TUB: variants seen among roughly 807,000 people sequenced by gnomAD.
TUB encodes tubby protein homolog.
TUB carries 33 observed loss-of-function variants against 59.7 expected under a neutral mutation model. That is an observed-to-expected ratio of 0.55 (90% CI 0.42 to 0.74). The LOEUF (loss-of-function observed/expected upper bound fraction) is 0.74, where lower values mean the gene tolerates loss of function less well. Ranked by LOEUF, TUB falls within the 30% of genes least tolerant of loss-of-function variation. TUB has a pLI of 0.00. For missense variants in TUB, 659 were observed against 672.0 expected, an observed-to-expected ratio of 0.98 and a Z score of 0.21; for synonymous variants, 293 against 256.4, an observed-to-expected ratio of 1.14 and a Z score of -1.36.
At position 8,103,147 on chromosome 11, in the gene TUB, A is replaced by C. The variant is rs1348855875; in HGVS notation, c.*1528A>C. ...ACGGCTGCTGCACACTTCTCGGTCT[A>C]GGTGGGAGAGAGTGCATAAAGGTTC... is the stretch of plus-strand genomic sequence containing the variant. On this transcript the variant is annotated 3_prime_UTR_variant, in exon 12 of 12. Transcript: ENST00000299506. 1 of 152,266 alleles carries C rather than the reference A, an allele frequency of 6.6e-6. No individual in the cohort carries two copies. The highest frequency in any genetic ancestry group is 2.4e-5 in the African/African-American group (1 of 41,456). The allele number at this position is 152,266 out of a possible 1,614,324, so 9.4% of individuals were successfully genotyped here. A position where few individuals can be genotyped will look rare whatever the true frequency, so the allele number is the denominator to read the frequency against.
At chr11:8,064,645 G>C (rs1469523726) in intron 2 of TUB, among the ~76,000 whole-genome samples, 1 of 152,202 alleles carries the variant, frequency 6.6e-6, no homozygotes, top group African/African-American at 2.4e-5. Context: ...TTCAGATAAT[G>C]ACAGGGGCCT....
intron 1 of TUB, among the ~76,000 whole-genome samples, chr11:8,025,521 T>C (rs999862672): frequency 3.3e-5 from 5 of 152,220 alleles, no homozygotes; most frequent in African/African-American, 1.2e-4. Context: ...CCACCCATCC[T>C]CAGGGAACCA....
chr11:8,097,641 G>C, intron 7 of TUB, 73 bp from the exon 8 acceptor site: 1 of 1,388,864 alleles, frequency 7.2e-7, no homozygotes. Flanking sequence ...GAGAGAGTCT[G>C]TGTGAGTGGC....
At chr11:8,027,901 G>A (rs1441668615) in intron 1 of TUB, among the ~76,000 whole-genome samples, 1 of 152,192 alleles carries the variant, frequency 6.6e-6, no homozygotes, top group Non-Finnish European at 1.5e-5. Flanking sequence ...AGTGAACATT[G>A]GTGCGCGCAT....
chr11:8,101,483 C>T lies in TUB; in HGVS notation c.1388-3C>T. 1 of 1,614,204 alleles carries T rather than the reference C, an allele frequency of 6.2e-7. No individual in the cohort carries two copies. The highest frequency in any genetic ancestry group is 8.5e-7 in the Non-Finnish European group (1 of 1,180,028). ...CTCTGTCTGTGCCTGTGCTTGGCCC[C>T]AGCGGACTACATCGTGATGCAGTTT... On this transcript the variant is annotated splice_polypyrimidine_tract_variant and splice_region_variant and intron_variant, in intron 11 of 11. Transcript: ENST00000299506.
At chr11:8,083,641 G>A (rs1458737351) in intron 1 of TUB, among the ~76,000 whole-genome samples, 3 of 148,722 alleles carry the variant, frequency 2.0e-5, no homozygotes, top group Non-Finnish European at 3.0e-5. Flanking sequence ...TTCCTGGGCC[G>A]CAGACTCAGC....
exon 1 of TUB, chr11:8,038,803 A>G (rs1381115334): frequency 1.9e-5 from 29 of 1,557,118 alleles, no homozygotes; most frequent in Non-Finnish European, 2.3e-5. Context: ...GGGAATTTCA[A>G]CAGGCTCCAG....
Position 8,081,283 on chromosome 11 carries a change from C to T in TUB, c.-228C>T. ...CCCGCCTCCACGCGCGCGCACGACC[C>T]GCGCACTCCCGGAGCTTCGCCCATC... On this transcript the variant is annotated 5_prime_UTR_variant, in exon 1 of 12. Coordinates refer to ENST00000299506, the MANE Select transcript of TUB (RefSeq NM_177972.3). 1 of 795,880 alleles carries T rather than the reference C, an allele frequency of 1.3e-6. No individual in the cohort carries two copies. Among genetic ancestry groups the T allele is most frequent in the Non-Finnish European group, 1.5e-6 (1 of 656,800 alleles). The allele number at this position is 795,880 out of a possible 1,614,324, so 49.3% of individuals were successfully genotyped here.
intron 2 of TUB, among the ~76,000 whole-genome samples, chr11:8,046,513 G>A (rs1942835947): frequency 1.3e-5 from 2 of 152,082 alleles, no homozygotes; most frequent in South Asian, 2.1e-4. Context: ...AAATCTTAAA[G>A]GCCACTGTGA....
At chr11:8,069,426 T>G (rs940798196) in intron 2 of TUB, 1 of 151,300 alleles carries the variant, frequency 6.6e-6, no homozygotes, top group South Asian at 2.1e-4. Flanking sequence ...TAACCCTAAA[T>G]TCTTGTAGAG....
chr11:8,033,421 G>A (rs147758004), intron 1 of TUB, among the ~76,000 whole-genome samples: 1 of 152,200 alleles, frequency 6.6e-6, no homozygotes, highest in African/African-American at 2.4e-5. Flanking sequence ...CTTTCGCCCA[G>A]TTTCAGCCTG....
chr11:8,088,463 C>T (rs1943709713), intron 1 of TUB, among the ~76,000 whole-genome samples: 1 of 152,236 alleles, frequency 6.6e-6, no homozygotes. Flanking sequence ...CACACGAGCA[C>T]ACCCACTTCT....
chr11:8,095,406 C>A, intron 4 of TUB, 92 bp from the exon 5 acceptor site: 3 of 1,364,600 alleles, frequency 2.2e-6, no homozygotes, highest in East Asian at 2.3e-5. Flanking sequence ...AGGGTTTCCC[C>A]ACTCTTCCCT....
intron 2 of TUB, among the ~76,000 whole-genome samples, chr11:8,073,768 T>A (rs546876458): frequency 8.5e-5 from 13 of 152,352 alleles, no homozygotes; most frequent in South Asian, 4.1e-4. Flanking sequence ...TGGGCTTAGA[T>A]GCCCCCTGGG....
In TUB at chr11:8,104,996, T is replaced by C. The variant is rs529058757; in HGVS notation, c.*3377T>C. On this transcript the variant is annotated 3_prime_UTR_variant, in exon 12 of 12. Transcript: ENST00000299506. ...TTACCTCTTAAATAAACTTAGCATT[T>C]AGAGGTAATTCTAAATTTAACAAGT... The C allele has an allele frequency of 5.3e-5, 8 of 152,106 alleles. No individual in the cohort carries two copies. Among genetic ancestry groups the C allele is most frequent in the African/African-American group, 1.9e-4 (8 of 41,470 alleles). 9.4% of individuals were successfully genotyped at this position (152,106 alleles called of 1,614,324 possible).
In TUB at chr11:8,090,128, C is replaced by A. The variant is rs779313406; in HGVS notation, c.150C>A (p.Ala50=). The A allele has an allele frequency of 1.2e-6, 2 of 1,613,530 alleles. No individual in the cohort carries two copies. The highest frequency in any genetic ancestry group is 4.5e-5 in the East Asian group (2 of 44,876). Residue 50 remains alanine, a synonymous_variant, in exon 3 of 12, where the codon GCC becomes GCA. Coordinates refer to ENST00000299506, the MANE Select transcript of TUB (RefSeq NM_177972.3). ...GCCAGGAGCCCCTGATGGTGCAGGC[C>A]AATGCAGATGGGCGGCCCCGGAGCC... The part of the protein sequence containing the change: ...KKRQEPLMVQ[A]NADGRPRSRR...
At chr11:8,078,943 A>G (rs926326560), upstream of TUB, among the ~76,000 whole-genome samples, 2 of 151,830 alleles carry the variant, frequency 1.3e-5, no homozygotes, top group African/African-American at 4.8e-5. Flanking sequence ...ACACTCATGC[A>G]TACACTGGCG....
At chr11:8,079,321 C>G (rs1943501997), upstream of TUB, among the ~76,000 whole-genome samples, 1 of 152,154 alleles carries the variant, frequency 6.6e-6, no homozygotes, top group Admixed American at 6.5e-5. Context: ...AGGCAAGGTT[C>G]TGCCCTGAAG....
rs770104919 is a variant in TUB, at chr11:8,094,207, A to G, written c.397+18A>G. 2 of 1,596,048 alleles carry G rather than the reference A, an allele frequency of 1.3e-6. No individual in the cohort carries two copies. Among genetic ancestry groups the G allele is most frequent in the South Asian group, 2.3e-5 (2 of 87,916 alleles). On this transcript the variant is annotated intron_variant, in intron 4 of 11. Transcript: ENST00000299506. Reference sequence around the variant, plus strand: ...GCACAAAGGTCAGCTCACATTCTCTACAGCCCTCCCCAGCAGGCCTGGCCT... The same window carrying G: ...GCACAAAGGTCAGCTCACATTCTCTGCAGCCCTCCCCAGCAGGCCTGGCCT...
Sources: gnomAD v4.1 joint callset for allele counts (sites outside exome capture counted in the v4.1 genomes callset) on GRCh38, gnomAD v4.1.1 for gene constraint, MANE v1.5 for transcripts, NCBI Gene and HGNC (gene_info 2026-07-23, HGNC 2026-07-21) for gene names.